STIM1: variants seen among roughly 807,000 people sequenced by gnomAD.
The protein encoded by STIM1 is stromal interaction molecule 1.
In STIM1, 25 loss-of-function variants were observed where a neutral mutation model predicts 74.7. The observed-to-expected ratio is 0.33, with a 90% CI of 0.24 to 0.47. STIM1 has a LOEUF of 0.47. Ranked by LOEUF, STIM1 falls within the 20% of genes least tolerant of loss-of-function variation. The pLI is 1.00. For synonymous variants in STIM1, 328 were observed against 348.8 expected, an observed-to-expected ratio of 0.94 and a Z score of 0.66; for missense variants, 728 against 920.8, an observed-to-expected ratio of 0.79 and a Z score of 2.71.
intron 2 of STIM1, chr11:3,973,848 G>T: frequency 2.4e-6 from 1 of 415,848 alleles, no homozygotes; most frequent in Non-Finnish European, 4.4e-6. Context: ...TGAATAGCTG[G>T]GACTATAGGC....
At chr11:3,889,742 G>T (rs1350351567) in intron 1 of STIM1, among the ~76,000 whole-genome samples, 1 of 152,126 alleles carries the variant, frequency 6.6e-6, no homozygotes, top group Non-Finnish European at 1.5e-5. Context: ...GCCTAACAGG[G>T]TAACCTTGTT....
At chr11:3,855,538 A>T (rs1273426195), upstream of STIM1, 1 of 150,508 alleles carries the variant, frequency 6.6e-6, no homozygotes, top group Non-Finnish European at 1.5e-5. Flanking sequence ...TTCACCGGTT[A>T]TTCCGGGATC....
intron 7 of STIM1, among the ~76,000 whole-genome samples, chr11:4,080,224 C>T (rs149506117): frequency 0.017 from 2,533 of 152,012 alleles, 71 homozygotes; most frequent in African/African-American, 0.058. Context: ...CCAGCCTGGG[C>T]GACACAATGA....
intron 2 of STIM1, among the ~76,000 whole-genome samples, chr11:3,969,708 G>A (rs2093373430): frequency 6.6e-6 from 1 of 152,208 alleles, no homozygotes; most frequent in Non-Finnish European, 1.5e-5. Flanking sequence ...AATATAGTGG[G>A]TTGGTTTGGT....
At position 4,091,833 on chromosome 11, in the gene STIM1, C is replaced by T; in HGVS notation, c.*35C>T. On this transcript the variant is annotated 3_prime_UTR_variant, in exon 13 of 13. Coordinates refer to ENST00000526596, the MANE Select transcript of STIM1 (RefSeq NM_001382567.1). ...GGTGGCAGTAAAGGGACAGCTTGTCCTTCCCTGGGTGTTCTGTCTCTCCTT... is the reference window on the plus strand; with the variant it reads ...GGTGGCAGTAAAGGGACAGCTTGTCTTTCCCTGGGTGTTCTGTCTCTCCTT... 2 of 1,599,274 alleles carry T rather than the reference C, an allele frequency of 1.3e-6. No individual in the cohort carries two copies. The highest frequency in any genetic ancestry group is 1.3e-5 in the African/African-American group (1 of 75,036).
At chr11:3,938,515 C>T (rs1590583498) in intron 1 of STIM1, among the ~76,000 whole-genome samples, 1 of 152,074 alleles carries the variant, frequency 6.6e-6, no homozygotes, top group Non-Finnish European at 1.5e-5. Context: ...TGTTTCTAAA[C>T]ATTAAAAGGG....
intron 1 of STIM1, among the ~76,000 whole-genome samples, chr11:3,951,452 T>C (rs2135668002): frequency 6.6e-6 from 1 of 152,328 alleles, no homozygotes; most frequent in African/African-American, 2.4e-5. Flanking sequence ...AGGAATGTGT[T>C]CTCTTTTAAC....
chr11:3,902,373 A>G (rs897426798), intron 1 of STIM1, among the ~76,000 whole-genome samples: 5 of 152,178 alleles, frequency 3.3e-5, no homozygotes, highest in Admixed American at 3.3e-4. Flanking sequence ...GAGAGCAGCG[A>G]TCCCCAATCT....
chr11:3,898,174 T>A (rs1192290794), intron 1 of STIM1, among the ~76,000 whole-genome samples: 2 of 151,154 alleles, frequency 1.3e-5, no homozygotes, highest in Non-Finnish European at 3.0e-5. Context: ...CTCCAGCACC[T>A]GTTGTTTCCT....
At chr11:4,058,645 A>C (rs1461145601) in intron 4 of STIM1, 5 of 278,662 alleles carry the variant, frequency 1.8e-5, no homozygotes, top group African/African-American at 9.1e-5. Context: ...GCTTTCTCTT[A>C]TTAAAGTTAT....
chr11:3,900,881 C>T (rs1221278652), intron 1 of STIM1, among the ~76,000 whole-genome samples: 1 of 152,128 alleles, frequency 6.6e-6, no homozygotes, highest in Non-Finnish European at 1.5e-5. Context: ...TGGCCCAATG[C>T]ATTGTTTTAA....
At position 4,082,363 on chromosome 11, in the gene STIM1, C is replaced by T. The variant is rs1394148128; in HGVS notation, c.1137+12C>T. On this transcript the variant is annotated intron_variant, in intron 8 of 12. Coordinates refer to ENST00000526596, the MANE Select transcript of STIM1 (RefSeq NM_001382567.1). ...TGGCCAAGGAGGGGGTGAGAACAGC[C>T]CTTCTATTGTCCTCTTTTCTCCTTT... is the stretch of plus-strand genomic sequence containing the variant. 3 of 1,603,802 alleles carry T rather than the reference C, an allele frequency of 1.9e-6. No individual in the cohort carries two copies. The highest frequency in any genetic ancestry group is 2.6e-6 in the Non-Finnish European group (3 of 1,175,546).
At chr11:3,906,653 A>T (rs988447945) in intron 1 of STIM1, among the ~76,000 whole-genome samples, 2 of 152,164 alleles carry the variant, frequency 1.3e-5, no homozygotes, top group African/African-American at 2.4e-5. Flanking sequence ...GATTTAAAAA[A>T]ATTTAAATTT....
intron 1 of STIM1, among the ~76,000 whole-genome samples, chr11:3,876,969 G>A (rs2091324406): frequency 6.6e-6 from 1 of 152,092 alleles, no homozygotes; most frequent in African/African-American, 2.4e-5. Flanking sequence ...GTTCTGCCCA[G>A]CCCCTTTACT....
intron 3 of STIM1, among the ~76,000 whole-genome samples, chr11:4,054,525 T>A (rs2094272725): frequency 6.6e-6 from 1 of 152,156 alleles, no homozygotes; most frequent in African/African-American, 2.4e-5. Flanking sequence ...AGATCAGCAG[T>A]GGCATTAGAT....
chr11:3,970,907 T>A (rs755236357), intron 2 of STIM1, among the ~76,000 whole-genome samples: 1 of 152,184 alleles, frequency 6.6e-6, no homozygotes, highest in Non-Finnish European at 1.5e-5. Flanking sequence ...ACAAATAAAA[T>A]GAGTGTAGCA....
intron 1 of STIM1, among the ~76,000 whole-genome samples, chr11:3,909,482 C>G (rs1360325955): frequency 6.6e-6 from 1 of 152,092 alleles, no homozygotes. Context: ...TTCAGTAAGG[C>G]TATTCTCAGT....
At chr11:3,892,336 T>C in intron 1 of STIM1, 1 of 1,059,900 alleles carries the variant, frequency 9.4e-7, no homozygotes, top group Non-Finnish European at 1.4e-6. Flanking sequence ...AGGGGTGCTC[T>C]CCTGACCTAC....
At chr11:4,033,080 A>G (rs2094065653) in intron 3 of STIM1, among the ~76,000 whole-genome samples, 1 of 152,048 alleles carries the variant, frequency 6.6e-6, no homozygotes, top group African/African-American at 2.4e-5. Context: ...ACATATGGCT[A>G]GCCAGTTTTC....
Sources: allele counts gnomAD v4.1 joint callset (sites outside exome capture counted in the v4.1 genomes callset), GRCh38; gene constraint gnomAD v4.1.1; transcripts MANE v1.5; gene names NCBI Gene and HGNC (gene_info 2026-07-23, HGNC 2026-07-21).